Variants in TMEM132D observed in about 807,000 individuals in gnomAD.
TMEM132D encodes mature OL transmembrane protein.
A neutral mutation model predicts 62.3 loss-of-function variants in TMEM132D; 21 were observed. The ratio of observed to expected loss-of-function variants is 0.34; its 90% CI spans 0.24 to 0.49. TMEM132D has a LOEUF of 0.49. TMEM132D is among the 20% of genes least tolerant of loss of function. The pLI is 0.99. For synonymous variants in TMEM132D, 621 were observed against 575.6 expected (o/e 1.08, Z -1.13); for missense variants, 1,346 against 1,402.8 (o/e 0.96, Z 0.65).
intron 3 of TMEM132D, among the ~76,000 whole-genome samples, chr12:129,374,061 C>T (rs1870704854): frequency 6.6e-6 from 1 of 152,174 alleles, no homozygotes; most frequent in South Asian, 2.1e-4. Context: ...GAATGAGTTT[C>T]CCTCATTCCC....
chr12:129,510,265 T>C (rs78759211), intron 3 of TMEM132D, among the ~76,000 whole-genome samples: 14,429 of 152,246 alleles, frequency 0.095, 844 homozygotes, highest in East Asian at 0.2. Flanking sequence ...TGACTTCTCT[T>C]GAGAAATGTC....
At chr12:129,239,848 G>A (rs946380680) in intron 4 of TMEM132D, among the ~76,000 whole-genome samples, 8 of 152,186 alleles carry the variant, frequency 5.3e-5, no homozygotes, top group African/African-American at 1.9e-4. Context: ...TGCTTCAAGT[G>A]ATTCAAGTTT....
At chr12:129,768,843 A>G (rs1251446424) in intron 1 of TMEM132D, among the ~76,000 whole-genome samples, 1 of 152,220 alleles carries the variant, frequency 6.6e-6, no homozygotes, top group African/African-American at 2.4e-5. Context: ...GCATTCTTAC[A>G]TACATCAGGT....
intron 1 of TMEM132D, among the ~76,000 whole-genome samples, chr12:129,792,774 T>A (rs1259234311): frequency 1.3e-5 from 2 of 152,208 alleles, no homozygotes; most frequent in Admixed American, 6.5e-5. Flanking sequence ...GACTAAAAAT[T>A]GAACAGACAT....
chr12:129,457,277 T>C (rs927925686), intron 3 of TMEM132D, among the ~76,000 whole-genome samples: 18 of 151,942 alleles, frequency 1.2e-4, no homozygotes, highest in East Asian at 5.8e-4. Context: ...ATGATGAGTT[T>C]ATGTCCTTTG....
chr12:129,781,054 C>T (rs1295088379), intron 1 of TMEM132D, among the ~76,000 whole-genome samples: 1 of 152,120 alleles, frequency 6.6e-6, no homozygotes, highest in East Asian at 1.9e-4. Context: ...CTTTTGGGGG[C>T]ACAAAGTGAA....
intron 3 of TMEM132D, among the ~76,000 whole-genome samples, chr12:129,488,773 TA>T (rs1486631551): frequency 6.6e-6 from 1 of 151,778 alleles, no homozygotes; most frequent in Non-Finnish European, 1.5e-5. Context: ...GGGCAGGGGC[TA>T]GGGGCAAGGA....
At chr12:129,498,025 T>G (rs753335753) in intron 3 of TMEM132D, among the ~76,000 whole-genome samples, 5 of 152,184 alleles carry the variant, frequency 3.3e-5, no homozygotes, top group Admixed American at 2.0e-4. Context: ...GGTTGTTTTT[T>G]TCTCCTTTGA....
chr12:129,798,266 A>C (rs943571723), intron 1 of TMEM132D, among the ~76,000 whole-genome samples: 19 of 152,198 alleles, frequency 1.2e-4, no homozygotes. Flanking sequence ...CAATGCAAAA[A>C]TGGCCTAACA....
At chr12:129,257,801 C>T (rs568500089) in intron 4 of TMEM132D, among the ~76,000 whole-genome samples, 160 of 152,254 alleles carry the variant, frequency 1.1e-3, no homozygotes, top group Non-Finnish European at 1.8e-3. Context: ...CCCAATACCA[C>T]GTGGGGAGAT....
chr12:129,569,866 G>A (rs2137118563), intron 2 of TMEM132D, among the ~76,000 whole-genome samples: 1 of 152,218 alleles, frequency 6.6e-6, no homozygotes, highest in South Asian at 2.1e-4. Context: ...TTCTACTGGG[G>A]GTTTGGTGGT....
At chr12:129,124,611 G>T (rs1300652903) in intron 5 of TMEM132D, among the ~76,000 whole-genome samples, 1 of 152,136 alleles carries the variant, frequency 6.6e-6, no homozygotes, top group Non-Finnish European at 1.5e-5. Context: ...TCAACTTCTG[G>T]CCTGTGAGAT....
At chr12:129,111,575 C>T (rs2135645146) in intron 5 of TMEM132D, 1 of 152,256 alleles carries the variant, frequency 6.6e-6, no homozygotes, top group South Asian at 2.1e-4. Flanking sequence ...ATTATCCTGG[C>T]ACTCCATAAA....
At chr12:129,609,573 G>A (rs1411967938) in intron 2 of TMEM132D, among the ~76,000 whole-genome samples, 1 of 152,140 alleles carries the variant, frequency 6.6e-6, no homozygotes. Flanking sequence ...TCAAACCAGG[G>A]AAAGGGCTGG....
intron 3 of TMEM132D, among the ~76,000 whole-genome samples, chr12:129,377,398 G>C (rs1001192424): frequency 1.3e-5 from 2 of 152,166 alleles, no homozygotes; most frequent in Non-Finnish European, 2.9e-5. Flanking sequence ...GCATTTCCAA[G>C]GTGTCATAAT....
chr12:129,640,814 T>A (rs1177221119), intron 2 of TMEM132D, among the ~76,000 whole-genome samples: 1 of 152,080 alleles, frequency 6.6e-6, no homozygotes, highest in Non-Finnish European at 1.5e-5. Flanking sequence ...TCCCCAACGC[T>A]CACATTACCA....
intron 3 of TMEM132D, among the ~76,000 whole-genome samples, chr12:129,379,199 A>G (rs895156835): frequency 6.6e-6 from 1 of 152,146 alleles, no homozygotes; most frequent in Non-Finnish European, 1.5e-5. Flanking sequence ...TCAATGATAA[A>G]CACATGCACA....
chr12:129,892,723 A>G (rs1485377867), intron 1 of TMEM132D, among the ~76,000 whole-genome samples: 2 of 152,152 alleles, frequency 1.3e-5, no homozygotes, highest in African/African-American at 4.8e-5. Flanking sequence ...TATGGCTACA[A>G]GCAGCTGTGT....
chr12:129,073,923 G>A lies in TMEM132D; in HGVS notation c.3252C>T (p.Asp1084=), dbSNP rs1295630243. The A allele has an allele frequency of 1.5e-5, 23 of 1,582,294 alleles. No individual in the cohort carries two copies. The highest frequency in any genetic ancestry group is 2.0e-5 in the Non-Finnish European group (23 of 1,165,628). The stretch of plus-strand genomic sequence containing the variant: ...CCATGTAGTTGTGCAGCTCTTTGCA[G>A]TCCCCAGGGTCCAGATCCTGGCAGA... ...KWVCQDLDPG[D]CKELHNYMER... is the part of the protein sequence containing the mutation. The change falls in exon 9 of 9, where the codon GAC becomes GAT. Residue 1084 remains aspartate (D), a synonymous_variant. Transcript: ENST00000422113.
Sources: gnomAD v4.1 joint callset for allele counts (sites outside exome capture counted in the v4.1 genomes callset) on GRCh38, gnomAD v4.1.1 for gene constraint, MANE v1.5 for transcripts, NCBI Gene and HGNC (gene_info 2026-07-23, HGNC 2026-07-21) for gene names.